SGCD: variants seen among roughly 807,000 people sequenced by gnomAD.
The protein encoded by SGCD is delta-sarcoglycan.
SGCD carries 18 observed loss-of-function variants against 36.6 expected under a neutral mutation model. The ratio of observed to expected loss-of-function variants is 0.49; its 90% CI spans 0.34 to 0.73. SGCD has a LOEUF of 0.73. Ranked by LOEUF, SGCD falls within the 30% of genes least tolerant of loss-of-function variation. The pLI is 0.01. For synonymous variants in SGCD, 133 were observed against 130.6 expected (o/e 1.02, Z -0.12); for missense variants, 387 against 346.7 (o/e 1.12, Z -0.92).
chr5:155,986,832 A>G (rs1355666544), intron 1 of SGCD, among the ~76,000 whole-genome samples: 1 of 152,164 alleles, frequency 6.6e-6, no homozygotes, highest in Admixed American at 6.5e-5. Flanking sequence ...ATATCAAATC[A>G]AAGTAACAAC....
chr5:155,734,056 T>G, the SGCD span, among the ~76,000 whole-genome samples: 1 of 147,562 alleles, frequency 6.8e-6, no homozygotes, highest in Non-Finnish European at 1.5e-5. Flanking sequence ...TTATTTTATT[T>G]TATTTTTATT....
At chr5:156,633,236 C>A (rs544829304) in intron 6 of SGCD, among the ~76,000 whole-genome samples, 5 of 152,264 alleles carry the variant, frequency 3.3e-5, no homozygotes, top group African/African-American at 1.2e-4. Context: ...TACTCACTGA[C>A]GATGTGCACT....
chr5:156,714,340 C>T (rs143468972), intron 7 of SGCD, among the ~76,000 whole-genome samples: 1 of 152,158 alleles, frequency 6.6e-6, no homozygotes, highest in South Asian at 2.1e-4. Flanking sequence ...AAATGGCCCC[C>T]AACTATAGTC....
intron 3 of SGCD, among the ~76,000 whole-genome samples, chr5:156,197,692 T>A (rs1473302543): frequency 6.6e-6 from 1 of 152,098 alleles, no homozygotes; most frequent in Non-Finnish European, 1.5e-5. Context: ...CTTAATTACA[T>A]GTGATTTTTT....
At chr5:155,837,022 T>G in the SGCD span, among the ~76,000 whole-genome samples, 9,580 of 152,290 alleles carry the variant, frequency 0.063, 544 homozygotes, top group African/African-American at 0.15. Context: ...TGTATTGTTT[T>G]GTTTCTGTTT....
chr5:156,651,381 A>G (rs1350346558), intron 7 of SGCD, among the ~76,000 whole-genome samples: 2 of 152,102 alleles, frequency 1.3e-5, no homozygotes, highest in Admixed American at 6.6e-5. Flanking sequence ...CCCAAGGCCT[A>G]TGTCCAGAAT....
At chr5:156,132,623 C>T (rs1192427613) in intron 3 of SGCD, among the ~76,000 whole-genome samples, 1 of 150,852 alleles carries the variant, frequency 6.6e-6, no homozygotes, top group Admixed American at 6.6e-5. Flanking sequence ...CGCCCACCAC[C>T]ACGCCCGGCT....
In SGCD at chr5:156,333,596, A is replaced by G. The variant is rs543032011; in HGVS notation, c.3+4017A>G. On this transcript the variant is annotated intron_variant, in intron 2 of 8. Transcript: ENST00000337851. Reference sequence around the variant, plus strand: ...ATGCTTGCTATGCCTTTAACAAGCAAAGAGATTTGGGGTAGATTACTTAAC... The same window carrying G: ...ATGCTTGCTATGCCTTTAACAAGCAGAGAGATTTGGGGTAGATTACTTAAC... 2.0e-5 allele frequency among the ~76,000 whole-genome samples: 3 copies of G among 152,192 alleles called. No homozygotes were observed. In the South Asian group the frequency reaches 6.2e-4, roughly 32 times the overall value.
At chr5:156,224,968 A>G (rs763452351) in intron 3 of SGCD, among the ~76,000 whole-genome samples, 16 of 152,142 alleles carry the variant, frequency 1.1e-4, no homozygotes, top group Non-Finnish European at 1.9e-4. Flanking sequence ...ATATTATAGA[A>G]GGTATATTTC....
In SGCD at chr5:156,081,428, C is replaced by G. The variant is rs184577229; in HGVS notation, c.-281-36450C>G. ...TTTTTCTTTGAGACAGGGTCTCACTCTGTCACCTAGGCTGAGTGCAGTGGC... is the reference window on the plus strand; with the variant it reads ...TTTTTCTTTGAGACAGGGTCTCACTGTGTCACCTAGGCTGAGTGCAGTGGC... On this transcript the variant is annotated intron_variant, in intron 1 of 9. Coordinates refer to the SGCD transcript ENST00000517913. Among the ~76,000 whole-genome samples, 14 of 152,262 alleles carry G rather than the reference C, an allele frequency of 9.2e-5. No homozygotes were observed. The East Asian group carries it at 2.7e-3, about 29-fold the overall frequency.
intron 1 of SGCD, among the ~76,000 whole-genome samples, chr5:155,959,641 A>G (rs567245665): frequency 1.3e-5 from 2 of 152,240 alleles, no homozygotes; most frequent in Non-Finnish European, 2.9e-5. Context: ...ATGCTAAGTA[A>G]TATTTTATAC....
intron 5 of SGCD, among the ~76,000 whole-genome samples, chr5:156,594,022 G>GTCCTGGATTATACTCCTGGATTATTCC (rs2113385793): frequency 6.6e-6 from 1 of 152,242 alleles, no homozygotes; most frequent in South Asian, 2.1e-4. Flanking sequence ...GATTATTCCT[G>GTCCTGGATTATACTCCTGGATTATTCC]TGTGTTTCTG....
intron 3 of SGCD, among the ~76,000 whole-genome samples, chr5:156,192,093 G>C (rs1356085584): frequency 6.6e-6 from 1 of 152,076 alleles, no homozygotes; most frequent in East Asian, 1.9e-4. Context: ...AGAGATTACT[G>C]GTCTGTAAGA....
At chr5:156,155,490 A>G (rs1762935048) in intron 3 of SGCD, among the ~76,000 whole-genome samples, 1 of 151,510 alleles carries the variant, frequency 6.6e-6, no homozygotes. Flanking sequence ...AGGCCAAACA[A>G]ATTTATGTTT....
At chr5:156,104,162 C>T (rs931652535) in intron 1 of SGCD, among the ~76,000 whole-genome samples, 8 of 152,198 alleles carry the variant, frequency 5.3e-5, no homozygotes, top group Admixed American at 4.6e-4. Flanking sequence ...ACTGGTTAAA[C>T]TTACTACATA....
intron 7 of SGCD, among the ~76,000 whole-genome samples, chr5:156,722,182 G>T (rs957069391): frequency 6.6e-6 from 1 of 152,148 alleles, no homozygotes; most frequent in African/African-American, 2.4e-5. Flanking sequence ...TTCTCCTTTT[G>T]CCTCCCCCTT....
chr5:156,426,928 C>T (rs1773698568), intron 3 of SGCD, among the ~76,000 whole-genome samples: 1 of 152,160 alleles, frequency 6.6e-6, no homozygotes, highest in South Asian at 2.1e-4. Context: ...CAGTACCATG[C>T]TGTTTTGGTA....
At chr5:156,582,776 C>G (rs1353599413) in intron 4 of SGCD, among the ~76,000 whole-genome samples, 1 of 152,220 alleles carries the variant, frequency 6.6e-6, no homozygotes, top group Non-Finnish European at 1.5e-5. Context: ...ATCCTTTGGA[C>G]ACACACAGAC....
chr5:156,372,811 G>T (rs960367618), intron 3 of SGCD, among the ~76,000 whole-genome samples: 3 of 152,002 alleles, frequency 2.0e-5, no homozygotes, highest in Non-Finnish European at 4.4e-5. Flanking sequence ...CTACCCATTG[G>T]GTGCTAAAAT....
Sources: gnomAD v4.1 joint callset for allele counts (sites outside exome capture counted in the v4.1 genomes callset) on GRCh38, gnomAD v4.1.1 for gene constraint, MANE v1.5 for transcripts, NCBI Gene and HGNC (gene_info 2026-07-23, HGNC 2026-07-21) for gene names.